Variants in RBM6 observed in about 807,000 individuals in gnomAD.
The protein encoded by RBM6 is RNA binding motif protein 6, also known as RNA-binding protein 6.
A neutral mutation model predicts 140.4 loss-of-function variants in RBM6; 23 were observed. The observed-to-expected ratio is 0.16, with a 90% confidence interval of 0.12 to 0.23. RBM6 has a LOEUF of 0.23. Ranked by LOEUF, RBM6 falls within the 10% of genes least tolerant of loss-of-function variation. RBM6 has a pLI of 1.00. For missense variants in RBM6, 1,139 were observed against 1,386.7 expected (o/e 0.82, Z 2.84); for synonymous variants, 439 against 475.6 (o/e 0.92, Z 1.00).
intron 19 of RBM6, 45 bp from the exon 20 acceptor site, chr3:50,075,156 C>CAA (rs376657561): frequency 1.3e-3 from 1,856 of 1,397,960 alleles, no homozygotes; most frequent in South Asian, 3.2e-3. Context: ...AACTCCGTCT[C>CAA]AAAAAAAAAA....
At chr3:49,948,308 G>A (rs2083581942) in intron 1 of RBM6, among the ~76,000 whole-genome samples, 1 of 152,074 alleles carries the variant, frequency 6.6e-6, no homozygotes, top group Admixed American at 6.6e-5. Context: ...TGGGCAGATT[G>A]CCTGTGCTCA....
rs547715996 is a variant in RBM6 at position 50,047,158 on chromosome 3, A to G, written c.1558-1087A>G. 8.1e-6 allele frequency: 8 copies of G among 984,552 alleles called. 1 individual carries two copies. The Admixed American group carries it at 2.5e-4, about 30-fold the overall frequency. The allele number at this position is 984,552 out of a possible 1,614,324, so 61.0% of individuals were successfully genotyped here. On this transcript the variant is annotated intron_variant, in intron 6 of 20. Transcript: ENST00000266022. ...TCTTGACTTTTTTGATGTGAAAAGCAGAGAGGTAAAGCATTATTTGACAGA... is the reference window on the plus strand; with the variant it reads ...TCTTGACTTTTTTGATGTGAAAAGCGGAGAGGTAAAGCATTATTTGACAGA...
chr3:49,983,130 A>T (rs1308584663), intron 5 of RBM6, among the ~76,000 whole-genome samples: 1 of 152,200 alleles, frequency 6.6e-6, no homozygotes, highest in Non-Finnish European at 1.5e-5. Context: ...CAAGTGTAAG[A>T]CACTGAGGCC....
At chr3:49,957,262 C>T (rs2084037212) in intron 1 of RBM6, among the ~76,000 whole-genome samples, 1 of 152,086 alleles carries the variant, frequency 6.6e-6, no homozygotes, top group South Asian at 2.1e-4. Flanking sequence ...ATGTTAGCCA[C>T]TGGCCTGTTG....
At chr3:50,059,980 CTT>C (rs1296024804) in intron 11 of RBM6, among the ~76,000 whole-genome samples, 1 of 152,108 alleles carries the variant, frequency 6.6e-6, no homozygotes, top group Non-Finnish European at 1.5e-5. Context: ...TGTCTGGTAT[CTT>C]TGGGTCCCAA....
At chr3:50,011,012 C>G (rs1415169802) in intron 6 of RBM6, among the ~76,000 whole-genome samples, 1 of 151,490 alleles carries the variant, frequency 6.6e-6, no homozygotes, top group Non-Finnish European at 1.5e-5. Flanking sequence ...CTACCCCAAC[C>G]CCCCAAAAAG....
intron 6 of RBM6, among the ~76,000 whole-genome samples, chr3:50,010,622 G>T (rs1229094918): frequency 2.0e-5 from 3 of 151,654 alleles, no homozygotes; most frequent in African/African-American, 7.3e-5. Context: ...TTTTTTTAAG[G>T]CCAGGCAGGG....
At chr3:49,969,272 C>T (rs1383285271) in intron 3 of RBM6, among the ~76,000 whole-genome samples, 2 of 149,250 alleles carry the variant, frequency 1.3e-5, no homozygotes, top group Non-Finnish European at 3.0e-5. Context: ...ATCCGCCCAC[C>T]TCGGCCTCCC....
intron 6 of RBM6, among the ~76,000 whole-genome samples, chr3:50,032,144 C>A (rs2088203538): frequency 6.6e-6 from 1 of 152,054 alleles, no homozygotes; most frequent in Non-Finnish European, 1.5e-5. Context: ...GATTTTCTCC[C>A]AAGGTAAAGA....
intron 1 of RBM6, among the ~76,000 whole-genome samples, chr3:49,949,198 ATCT>A (rs972817690): frequency 2.6e-5 from 4 of 151,892 alleles, no homozygotes; most frequent in African/African-American, 4.8e-5. Flanking sequence ...AAATTCTTTA[ATCT>A]TCTTCATTTG....
At chr3:49,946,487 G>T (rs1403652517) in intron 1 of RBM6, among the ~76,000 whole-genome samples, 1 of 151,402 alleles carries the variant, frequency 6.6e-6, no homozygotes, top group Non-Finnish European at 1.5e-5. Flanking sequence ...TGACCCGCCA[G>T]CCTTGGCCTC....
chr3:49,959,576 T>C lies in RBM6; in HGVS notation c.-66-3000T>C, dbSNP rs1407501995. On this transcript the variant is annotated intron_variant, in intron 1 of 20. Coordinates refer to ENST00000266022, the MANE Select transcript of RBM6 (RefSeq NM_005777.3). The stretch of plus-strand genomic sequence containing the variant: ...GTTGGCAATTTATATTTAGGGTTTT[T>C]TTTTTTTTTTTTGAGACAGAGTCTT... Among the ~76,000 whole-genome samples, 9 of 147,970 alleles carry C rather than the reference T, an allele frequency of 6.1e-5. No homozygotes were observed. The Admixed American group carries it at 6.1e-4, about 10-fold the overall frequency.
At chr3:49,974,665 C>G (rs2108653180) in intron 4 of RBM6, among the ~76,000 whole-genome samples, 1 of 140,910 alleles carries the variant, frequency 7.1e-6, no homozygotes, top group Non-Finnish European at 1.5e-5. Context: ...AGCCACCGTG[C>G]CCGGCCAATT....
chr3:49,986,998 G>C (rs926439782), intron 5 of RBM6, among the ~76,000 whole-genome samples: 4 of 152,056 alleles, frequency 2.6e-5, no homozygotes, highest in Admixed American at 2.6e-4. Context: ...TGCCCAGGCT[G>C]GTCTTGAACT....
chr3:50,065,688 A>G (rs1234088080), intron 16 of RBM6: 11 of 454,378 alleles, frequency 2.4e-5, no homozygotes, highest in East Asian at 7.0e-5. Flanking sequence ...TCATAGACCA[A>G]TGATTATGCA....
intron 5 of RBM6, among the ~76,000 whole-genome samples, chr3:49,979,440 T>G (rs903557900): frequency 4.8e-5 from 7 of 145,800 alleles, no homozygotes; most frequent in East Asian, 1.9e-4. Context: ...CTTACTTTGT[T>G]TTTTTTTTTT....
chr3:50,017,385 G>T (rs1356352554), intron 6 of RBM6, among the ~76,000 whole-genome samples: 2 of 151,816 alleles, frequency 1.3e-5, no homozygotes, highest in Non-Finnish European at 2.9e-5. Flanking sequence ...GTGAAACCCC[G>T]TTTCTACTAA....
At chr3:50,014,652 G>T (rs558700086) in intron 6 of RBM6, among the ~76,000 whole-genome samples, 1 of 152,272 alleles carries the variant, frequency 6.6e-6, no homozygotes, top group African/African-American at 2.4e-5. Context: ...TAGTTAAGGG[G>T]ACTGACCTCA....
chr3:50,071,999 G>T (rs923714085), intron 19 of RBM6, among the ~76,000 whole-genome samples: 2 of 148,170 alleles, frequency 1.3e-5, no homozygotes, highest in African/African-American at 5.0e-5. Flanking sequence ...CAGAAGAATC[G>T]CTCAAACCTG....
Sources: gnomAD v4.1 joint callset for allele counts (sites outside exome capture counted in the v4.1 genomes callset) on GRCh38, gnomAD v4.1.1 for gene constraint, MANE v1.5 for transcripts, NCBI Gene and HGNC (gene_info 2026-07-23, HGNC 2026-07-21) for gene names.